The following GPHN variants were observed in gnomAD, a reference collection of about 807,000 sequenced individuals.
GPHN encodes the protein gephyrin.
A neutral mutation model predicts 95.5 loss-of-function variants in GPHN; 17 were observed. The observed-to-expected ratio is 0.18, with a 90% CI of 0.12 to 0.27. The LOEUF is 0.27. Among genes scored for constraint, GPHN ranks in the 10% least tolerant of loss-of-function variants. GPHN has a pLI of 1.00. For synonymous variants in GPHN, 320 were observed against 322.5 expected (o/e 0.99, Z 0.08); for missense variants, 660 against 978.1 (o/e 0.67, Z 4.34).
intron 21 of GPHN, among the ~76,000 whole-genome samples, chr14:67,175,015 C>T (rs1318009463): frequency 1.3e-5 from 2 of 151,930 alleles, no homozygotes; most frequent in African/African-American, 2.4e-5. Flanking sequence ...AAATTTTTTC[C>T]ATTCTGTAGG....
intron 1 of GPHN, among the ~76,000 whole-genome samples, chr14:66,647,953 T>C (rs2064844199): frequency 6.6e-6 from 1 of 152,228 alleles, no homozygotes; most frequent in African/African-American, 2.4e-5. Context: ...TTTTCTCAGT[T>C]ATACCACAGT....
At chr14:66,698,350 T>C (rs1307801372) in intron 2 of GPHN, among the ~76,000 whole-genome samples, 3 of 152,176 alleles carry the variant, frequency 2.0e-5, no homozygotes, top group African/African-American at 7.2e-5. Flanking sequence ...TTGAAATCTG[T>C]GTGAAATTAC....
chr14:67,297,853 C>G, the GPHN span, among the ~76,000 whole-genome samples: 3 of 152,262 alleles, frequency 2.0e-5, no homozygotes, highest in African/African-American at 7.2e-5. Context: ...AGATACAATT[C>G]TATCTTCATT....
chr14:66,661,223 C>T (rs959669988), intron 1 of GPHN, among the ~76,000 whole-genome samples: 3 of 152,198 alleles, frequency 2.0e-5, no homozygotes, highest in Non-Finnish European at 2.9e-5. Context: ...GGAATTTCAG[C>T]CAGCCCCCAG....
At chr14:67,352,826 A>C in the GPHN span, 1 of 774,242 alleles carries the variant, frequency 1.3e-6, no homozygotes, top group Non-Finnish European at 2.0e-6. Context: ...TTTGAAAGAA[A>C]AAAATTAATT....
At chr14:66,565,362 G>T (rs1277445164) in intron 1 of GPHN, among the ~76,000 whole-genome samples, 1 of 151,954 alleles carries the variant, frequency 6.6e-6, no homozygotes, top group Non-Finnish European at 1.5e-5. Context: ...TGTATGGCTG[G>T]ATCACAGTTT....
chr14:67,289,076 C>T, the GPHN span, among the ~76,000 whole-genome samples: 1 of 150,690 alleles, frequency 6.6e-6, no homozygotes, highest in Non-Finnish European at 1.5e-5. Flanking sequence ...AAGTGATTCT[C>T]CTGCCTCAGC....
the GPHN span, among the ~76,000 whole-genome samples, chr14:67,478,125 G>T: frequency 1.1e-3 from 160 of 152,344 alleles, 1 homozygote; most frequent in Middle Eastern, 3.4e-3. Flanking sequence ...TCTGTGGTTG[G>T]CAGACGGCTG....
At chr14:66,792,014 A>G (rs918645560) in intron 3 of GPHN, among the ~76,000 whole-genome samples, 3 of 152,124 alleles carry the variant, frequency 2.0e-5, no homozygotes, top group African/African-American at 7.2e-5. Context: ...CATTTATAAA[A>G]CCATCATGTC....
chr14:67,278,641 T>G, the GPHN span, among the ~76,000 whole-genome samples: 1 of 152,216 alleles, frequency 6.6e-6, no homozygotes, highest in Non-Finnish European at 1.5e-5. Flanking sequence ...GAGCATAAAG[T>G]ACAGTGTTGA....
chr14:67,375,557 G>T, the GPHN span, among the ~76,000 whole-genome samples: 1 of 151,196 alleles, frequency 6.6e-6, no homozygotes, highest in East Asian at 1.9e-4. Context: ...TCAATGAAGA[G>T]ATTTTAAAAA....
At chr14:67,292,377 CAAT>C in the GPHN span, 1 of 598,292 alleles carries the variant, frequency 1.7e-6, no homozygotes, top group Non-Finnish European at 3.0e-6. Context: ...CCATGATTGA[CAAT>C]AATATATGCA....
chr14:66,903,375 T>C (rs1335464524), intron 5 of GPHN, among the ~76,000 whole-genome samples: 4 of 152,172 alleles, frequency 2.6e-5, no homozygotes, highest in Non-Finnish European at 4.4e-5. Flanking sequence ...TTTACAGTTG[T>C]TTACAGTTAT....
chr14:66,535,264 T>C (rs1439351529), intron 1 of GPHN, among the ~76,000 whole-genome samples: 1 of 152,160 alleles, frequency 6.6e-6, no homozygotes. Flanking sequence ...CATTGGATTA[T>C]AGAACACTTT....
intron 1 of GPHN, among the ~76,000 whole-genome samples, chr14:66,590,673 A>G (rs984430892): frequency 6.6e-6 from 1 of 152,142 alleles, no homozygotes; most frequent in Non-Finnish European, 1.5e-5. Context: ...TAGCCTACCA[A>G]CCAAAAAATA....
At chr14:66,759,278 A>G (rs1394452436) in intron 2 of GPHN, among the ~76,000 whole-genome samples, 1 of 152,090 alleles carries the variant, frequency 6.6e-6, no homozygotes, top group Non-Finnish European at 1.5e-5. Context: ...GACATTCTTT[A>G]CTCACCACAG....
chr14:67,370,533 C>T, the GPHN span, among the ~76,000 whole-genome samples: 7 of 152,234 alleles, frequency 4.6e-5, no homozygotes, highest in Non-Finnish European at 1.0e-4. Context: ...GGGGCTATCA[C>T]TGCAGATGCT....
intron 1 of GPHN, among the ~76,000 whole-genome samples, chr14:66,656,834 T>G (rs1277735823): frequency 6.6e-6 from 1 of 152,130 alleles, no homozygotes; most frequent in Admixed American, 6.5e-5. Context: ...TCTCCATGGG[T>G]TTTCTTATTC....
chr14:67,014,584 G>C (rs2073197114), intron 9 of GPHN, among the ~76,000 whole-genome samples: 2 of 152,168 alleles, frequency 1.3e-5, no homozygotes, highest in South Asian at 4.1e-4. Flanking sequence ...TGGAGTGATT[G>C]ATAGTGTACA....
Sources: allele counts gnomAD v4.1 joint callset (sites outside exome capture counted in the v4.1 genomes callset), GRCh38; gene constraint gnomAD v4.1.1; transcripts MANE v1.5; gene names NCBI Gene and HGNC (gene_info 2026-07-23, HGNC 2026-07-21).